The following COL18A1 variants were observed in gnomAD, a reference collection of about 807,000 sequenced individuals.
COL18A1 encodes the protein collagen type XVIII alpha 1 chain.
COL18A1 carries 133 observed loss-of-function variants against 168.0 expected under a neutral mutation model. That is an observed-to-expected ratio of 0.79 (90% CI 0.69 to 0.91). The LOEUF (loss-of-function observed/expected upper bound fraction) is 0.91, where lower values mean the gene tolerates loss of function less well. COL18A1 is among the 40% of genes least tolerant of loss of function. COL18A1 has a pLI of 0.00. For synonymous variants in COL18A1, 949 were observed against 809.0 expected, an observed-to-expected ratio of 1.17 and a Z score of -2.94; for missense variants, 2,126 against 1,925.4, an observed-to-expected ratio of 1.10 and a Z score of -1.95.
chr21:45,432,621 A>G (rs1240742681), intron 2 of COL18A1, among the ~76,000 whole-genome samples: 2 of 152,192 alleles, frequency 1.3e-5, no homozygotes, highest in African/African-American at 4.8e-5. Context: ...GAGCATCTGG[A>G]CCATACTGCT....
intron 2 of COL18A1, among the ~76,000 whole-genome samples, chr21:45,412,751 G>A (rs1262751497): frequency 6.6e-6 from 1 of 152,234 alleles, no homozygotes; most frequent in Non-Finnish European, 1.5e-5. Flanking sequence ...AGGCCTCAGT[G>A]CCTGTGGGGA....
chr21:45,505,986 G>C lies in COL18A1; in HGVS notation c.3216+20G>C, dbSNP rs1423146195. On this transcript the variant is annotated intron_variant, in intron 37 of 41. Coordinates refer to ENST00000651438, the MANE Select transcript of COL18A1 (RefSeq NM_001379500.1). ...GTCCAGGTGAGCGCTCTGTGTGACG[G>C]GTTCTGGACCCGTGGAAGGGCCGAA... 2 of 1,612,814 alleles carry C rather than the reference G, an allele frequency of 1.2e-6. No homozygotes were observed. The highest frequency in any genetic ancestry group is 1.7e-5 in the Admixed American group (1 of 59,996).
At chr21:45,452,900 CATGT>C (rs1569296739) in intron 2 of COL18A1, among the ~76,000 whole-genome samples, 3 of 151,290 alleles carry the variant, frequency 2.0e-5, no homozygotes, top group Admixed American at 6.6e-5. Flanking sequence ...GACATGTGAG[CATGT>C]ATGTACATGT....
intron 11 of COL18A1, 60 bp from the exon 12 acceptor site, chr21:45,480,407 G>T: frequency 6.2e-7 from 1 of 1,613,300 alleles, no homozygotes; most frequent in Non-Finnish European, 8.5e-7. Context: ...CAGGGGCCAG[G>T]AGTAGGCCAG....
Position 45,477,848 on chromosome 21 carries a change from C to T in COL18A1, c.1104C>T (p.Leu368=). 6.4e-7 allele frequency: 1 copy of T among 1,553,688 alleles called. No individual in the cohort carries two copies. The highest frequency in any genetic ancestry group is 8.7e-7 in the Non-Finnish European group (1 of 1,148,440). ...GSPCLPGPPG[L]PCPVSPLGPA... ...CATGCCTACCTGGTCCCCCGGGTCTCCCGTGCCCAGTGAGTCCCCTGGGTC... is the reference window on the plus strand; with the variant it reads ...CATGCCTACCTGGTCCCCCGGGTCTTCCGTGCCCAGTGAGTCCCCTGGGTC... The change falls in exon 8 of 42, where the codon CTC becomes CTT. Residue 368 remains leucine (L), a synonymous_variant. Coordinates refer to ENST00000651438, the MANE Select transcript of COL18A1 (RefSeq NM_001379500.1).
Position 45,443,771 on chromosome 21 carries a change from C to T in COL18A1, c.107-24471C>T, listed in dbSNP as rs2034444147. 6.6e-6 allele frequency among the ~76,000 whole-genome samples: 1 copy of T among 152,178 alleles called. No individual in the cohort carries two copies. The highest frequency in any genetic ancestry group is 2.4e-5 in the African/African-American group (1 of 41,446). On this transcript the variant is annotated intron_variant, in intron 2 of 41. Coordinates refer to ENST00000651438, the MANE Select transcript of COL18A1 (RefSeq NM_001379500.1). The surrounding 1 kb of genome is among the most constrained non-coding windows in gnomAD (Gnocchi z 5.2). ...TTATGAGAGCAATGCGGCCCCGTGC[C>T]CCTTTACGCGGCTCTGCTGGTGGAG...
At position 45,475,503 on chromosome 21, in the gene COL18A1, G is replaced by C. The variant is rs574811209; in HGVS notation, c.766G>C (p.Gly256Arg). 4 of 1,606,744 alleles carry C rather than the reference G, an allele frequency of 2.5e-6. No individual in the cohort carries two copies. The highest frequency in any genetic ancestry group is 1.3e-5 in the African/African-American group (1 of 74,848). ...ATCCGGAGACTCTGGCAGCGGGCTC[G>C]GGGACGCCCGGGAGCTTCTCAGGGA... ...GASGDSGSGL[G>R]DARELLREET... Residue 256 changes from glycine (G) to arginine (R), a missense_variant, in exon 5 of 42, where the codon GGG becomes CGG. By Grantham distance (125) the Gly-to-Arg change is moderately radical. Coordinates refer to ENST00000651438, the MANE Select transcript of COL18A1 (RefSeq NM_001379500.1).
intron 2 of COL18A1, among the ~76,000 whole-genome samples, chr21:45,452,688 TG>T (rs2034654237): frequency 6.8e-6 from 1 of 147,168 alleles, no homozygotes; most frequent in African/African-American, 2.6e-5. Context: ...TGTGTGAGCA[TG>T]TATGTGAGTT....
At chr21:45,481,281 C>T (rs2035883229) in intron 13 of COL18A1, among the ~76,000 whole-genome samples, 1 of 152,178 alleles carries the variant, frequency 6.6e-6, no homozygotes, top group Non-Finnish European at 1.5e-5. Context: ...TCCCCACCAG[C>T]TCTGCCACAC....
At chr21:45,430,514 A>G (rs974622973) in intron 2 of COL18A1, among the ~76,000 whole-genome samples, 2 of 152,034 alleles carry the variant, frequency 1.3e-5, no homozygotes, top group African/African-American at 2.4e-5. Flanking sequence ...GCTGTGCCCA[A>G]GGGAGCTGCT....
intron 2 of COL18A1, among the ~76,000 whole-genome samples, chr21:45,415,648 C>T (rs375332353): frequency 6.6e-6 from 1 of 152,158 alleles, no homozygotes; most frequent in Non-Finnish European, 1.5e-5. Context: ...CAGGCGGTGC[C>T]ATTGATCAGA....
At position 45,511,849 on chromosome 21, in the gene COL18A1, C is replaced by T. The variant is rs541396829; in HGVS notation, c.3810-339C>T. On this transcript the variant is annotated intron_variant, in intron 41 of 41. Transcript: ENST00000651438. ...CCAGGGAAGGCCTGAAAGCCAGGAGCCCGGGAGGCGGAGCTGGTTCCTAGC... is the reference window on the plus strand; with the variant it reads ...CCAGGGAAGGCCTGAAAGCCAGGAGTCCGGGAGGCGGAGCTGGTTCCTAGC... 2.6e-5 allele frequency among the ~76,000 whole-genome samples: 4 copies of T among 152,286 alleles called. No homozygotes were observed. The South Asian group carries it at 6.2e-4, about 24-fold the overall frequency.
intron 2 of COL18A1, among the ~76,000 whole-genome samples, chr21:45,421,996 C>A (rs569874433): frequency 2.2e-4 from 34 of 152,258 alleles, no homozygotes; most frequent in Admixed American, 1.1e-3. Context: ...CACAGACACA[C>A]GCTCGGGCCG....
At chr21:45,492,181 A>G (rs1602543107) in intron 22 of COL18A1, among the ~76,000 whole-genome samples, 1 of 152,212 alleles carries the variant, frequency 6.6e-6, no homozygotes, top group East Asian at 1.9e-4. Flanking sequence ...GCAGCCCGAG[A>G]GGCCACAGGG....
At chr21:45,489,031 T>C (rs1032207963) in intron 18 of COL18A1, among the ~76,000 whole-genome samples, 14 of 152,178 alleles carry the variant, frequency 9.2e-5, no homozygotes, top group African/African-American at 3.4e-4. Flanking sequence ...CGTCCTCTGC[T>C]GCGTGCGGGG....
rs901028910 is a variant in COL18A1 at position 45,498,736 on chromosome 21, A to T, written c.2683+1075A>T. 4 of 612,384 alleles carry T rather than the reference A, an allele frequency of 6.5e-6. No homozygotes were observed. The highest frequency in any genetic ancestry group is 1.2e-5 in the Non-Finnish European group (4 of 341,934). 37.9% of individuals were successfully genotyped at this position (612,384 alleles called of 1,614,324 possible). A position where few individuals can be genotyped will look rare whatever the true frequency, so the allele number is the denominator to read the frequency against. On this transcript the variant is annotated intron_variant, in intron 32 of 41. Coordinates refer to ENST00000651438, the MANE Select transcript of COL18A1 (RefSeq NM_001379500.1). The surrounding 1 kb of genome is among the most constrained non-coding windows in gnomAD (Gnocchi z 4.5). ...AGTGAATGATGCACAGATGACCAGA[A>T]ACCAGGAGAAGAGGCCAGTGACACA... is the stretch of plus-strand genomic sequence containing the variant.
rs1416344024 is a variant in COL18A1, at chr21:45,477,888, T to C, written c.1144T>C (p.Leu382=). ...TCCCCTGGGTCCTGCAGGCCCAGCG[T>C]TGCAAACTGTCCCCGGACCACAAGG... ...VSPLGPAGPA[L]QTVPGPQGPP... The change falls in exon 8 of 42, where the codon TTG becomes CTG. Residue 382 remains leucine (L), a synonymous_variant. Coordinates refer to ENST00000651438, the MANE Select transcript of COL18A1 (RefSeq NM_001379500.1). 6.4e-7 allele frequency: 1 copy of C among 1,562,520 alleles called. No homozygotes were observed. The highest frequency in any genetic ancestry group is 1.9e-5 in the Admixed American group (1 of 52,938).
intron 2 of COL18A1, among the ~76,000 whole-genome samples, chr21:45,460,899 T>C (rs2035018881): frequency 6.6e-6 from 1 of 152,218 alleles, no homozygotes; most frequent in Non-Finnish European, 1.5e-5. Context: ...TGTCTGTGGG[T>C]ACAAGATCTT....
intron 2 of COL18A1, among the ~76,000 whole-genome samples, chr21:45,453,250 GCATT>G (rs2034690739): frequency 1.3e-5 from 2 of 152,198 alleles, no homozygotes; most frequent in South Asian, 2.1e-4. Flanking sequence ...ATGCATATGA[GCATT>G]CATGTCTGGC....
Sources: gnomAD v4.1 joint callset for allele counts (sites outside exome capture counted in the v4.1 genomes callset) on GRCh38, gnomAD v4.1.1 for gene constraint, Gnocchi (gnomAD v3.1) non-coding constraint, MANE v1.5 for transcripts, NCBI Gene and HGNC (gene_info 2026-07-23, HGNC 2026-07-21) for gene names.